The following DENND4A variants were observed in gnomAD, a reference collection of about 807,000 sequenced individuals.
The protein encoded by DENND4A is DENN domain containing 4A, also known as C-myc promoter-binding protein.
A neutral mutation model predicts 199.3 loss-of-function variants in DENND4A; 70 were observed. The observed-to-expected ratio is 0.35, with a 90% confidence interval of 0.29 to 0.43. The LOEUF (loss-of-function observed/expected upper bound fraction) is 0.43. DENND4A is among the 20% of genes least tolerant of loss of function. The pLI is 1.00. For synonymous variants in DENND4A, 686 were observed against 766.9 expected (o/e 0.89, Z 1.74); for missense variants, 1,723 against 2,255.8 (o/e 0.76, Z 4.78).
At chr15:65,743,706 A>G (rs1023028754) in intron 4 of DENND4A, among the ~76,000 whole-genome samples, 2 of 152,222 alleles carry the variant, frequency 1.3e-5, no homozygotes, top group African/African-American at 4.8e-5. Context: ...CAGGTACTCC[A>G]TAAAGTATTT....
intron 1 of DENND4A, chr15:65,771,569 G>A: frequency 6.2e-7 from 1 of 1,612,718 alleles, no homozygotes; most frequent in Non-Finnish European, 8.5e-7. Context: ...GATAAACACA[G>A]AAAAACCTCC....
At chr15:65,694,475 G>T (rs560415445) in intron 22 of DENND4A, among the ~76,000 whole-genome samples, 39 of 151,748 alleles carry the variant, frequency 2.6e-4, no homozygotes, top group African/African-American at 8.7e-4. Flanking sequence ...TCAAGATAGG[G>T]TGATGATTTT....
intron 1 of DENND4A, among the ~76,000 whole-genome samples, chr15:65,765,110 G>T (rs1329317915): frequency 6.6e-6 from 1 of 151,222 alleles, no homozygotes; most frequent in African/African-American, 2.4e-5. Flanking sequence ...ACGAAAAAAA[G>T]AACTATTATT....
chr15:65,732,621 G>T, intron 8 of DENND4A, 131 bp downstream of exon 8: 1 of 558,982 alleles, frequency 1.8e-6, no homozygotes. Flanking sequence ...ACTACAACAG[G>T]TAATAGTATC....
chr15:65,700,550 TA>T lies in DENND4A; in HGVS notation c.2826del (p.Ser943ValfsTer93). On this transcript the variant is annotated frameshift_variant, in exon 20 of 33. Transcript: ENST00000443035. LOFTEE classifies it high-confidence loss of function. ...TACATAAGCATACACAAACCTGTACTAGATCTATCATCAGTAGCATATACTT... is the reference window on the plus strand; with the variant it reads ...TACATAAGCATACACAAACCTGTACTGATCTATCATCAGTAGCATATACTT... The part of the protein sequence containing the change: ...LIKVYATDDR[S>X]STGGQSDLGY... 1 of 1,523,526 alleles carries T rather than the reference TA, an allele frequency of 6.6e-7. No homozygotes were observed. The highest frequency in any genetic ancestry group is 8.8e-7 in the Non-Finnish European group (1 of 1,133,314). 94.4% of individuals were successfully genotyped at this position (1,523,526 alleles called of 1,614,324 possible). A position where few individuals can be genotyped will look rare whatever the true frequency, so the allele number is the denominator to read the frequency against.
At chr15:65,716,298 GGTTT>G (rs1226272822) in intron 13 of DENND4A, among the ~76,000 whole-genome samples, 10 of 150,908 alleles carry the variant, frequency 6.6e-5, no homozygotes, top group African/African-American at 2.4e-4. Flanking sequence ...ACAATGTGCA[GGTTT>G]GTTACATATG....
chr15:65,734,644 C>A (rs2140420718), intron 7 of DENND4A, among the ~76,000 whole-genome samples: 1 of 152,198 alleles, frequency 6.6e-6, no homozygotes, highest in Admixed American at 6.5e-5. Context: ...ATAATCTAAA[C>A]AAACGTCAAG....
At chr15:65,710,646 C>T (rs984940744) in intron 14 of DENND4A, among the ~76,000 whole-genome samples, 5 of 152,110 alleles carry the variant, frequency 3.3e-5, no homozygotes, top group African/African-American at 1.2e-4. Flanking sequence ...TTAAAGCACA[C>T]CTTTCTATTT....
At chr15:65,732,702 G>C (rs771359555) in intron 8 of DENND4A, 50 bp downstream of exon 8, 2 of 1,060,084 alleles carry the variant, frequency 1.9e-6, no homozygotes, top group Non-Finnish European at 1.4e-6. Context: ...CATTTTGACA[G>C]AGCCAATAAC....
chr15:65,760,710 G>A (rs1183605009), intron 2 of DENND4A, among the ~76,000 whole-genome samples: 3 of 152,058 alleles, frequency 2.0e-5, no homozygotes, highest in Non-Finnish European at 4.4e-5. Flanking sequence ...CCAACATGGT[G>A]AAACCTCGTT....
chr15:65,675,645 T>C (rs2076350496), intron 24 of DENND4A, among the ~76,000 whole-genome samples: 1 of 151,706 alleles, frequency 6.6e-6, no homozygotes, highest in Non-Finnish European at 1.5e-5. Context: ...CTTAAACAGA[T>C]TCTCAACTTC....
intron 1 of DENND4A, among the ~76,000 whole-genome samples, chr15:65,761,671 A>G (rs1406807616): frequency 6.7e-6 from 1 of 150,284 alleles, no homozygotes; most frequent in Non-Finnish European, 1.5e-5. Context: ...GAGAAAAAAA[A>G]AGAAAAAACT....
intron 23 of DENND4A, among the ~76,000 whole-genome samples, chr15:65,685,508 C>G (rs1315392701): frequency 1.3e-5 from 2 of 152,222 alleles, no homozygotes; most frequent in African/African-American, 4.8e-5. Flanking sequence ...TGTCTACATT[C>G]ACCTACAGTC....
intron 1 of DENND4A, among the ~76,000 whole-genome samples, chr15:65,790,540 A>C (rs2077687304): frequency 1.3e-5 from 2 of 152,164 alleles, no homozygotes. Flanking sequence ...TCATTCAGAA[A>C]AAGAAAATTA....
intron 23 of DENND4A, among the ~76,000 whole-genome samples, chr15:65,677,608 A>C (rs1283879138): frequency 6.6e-6 from 1 of 152,246 alleles, no homozygotes; most frequent in Non-Finnish European, 1.5e-5. Context: ...AAATGAGAAA[A>C]AAATTTTTTA....
chr15:65,664,750 G>A (rs935478213), intron 30 of DENND4A, 28 bp from the exon 31 acceptor site: 1 of 1,588,204 alleles, frequency 6.3e-7, no homozygotes, highest in African/African-American at 1.4e-5. Flanking sequence ...AACAGATGAA[G>A]GAAAATGTTC....
rs1402149389 is a variant in DENND4A at position 65,791,542 on chromosome 15, G to A, written c.-102+468C>T. On this transcript the variant is annotated intron_variant, in intron 1 of 32. Transcript: ENST00000443035. ...CGCAGAACCCGTGCCCGCGGGCCGG[G>A]GAAGGCTGAACAGACCCTGGGAGGA... Among the ~76,000 whole-genome samples the A allele has an allele frequency of 2.0e-5, 3 of 152,056 alleles. No homozygotes were observed. In the East Asian group the frequency reaches 5.8e-4, roughly 29 times the overall value.
At chr15:65,740,447 T>TAAAA (rs1046623413) in intron 5 of DENND4A, among the ~76,000 whole-genome samples, 1 of 114,468 alleles carries the variant, frequency 8.7e-6, no homozygotes, top group Non-Finnish European at 1.8e-5. Context: ...CCATCTCTAC[T>TAAAA]AAAAAAAAAA....
At position 65,715,526 on chromosome 15, in the gene DENND4A, A is replaced by C; in HGVS notation, c.1905T>G (p.Val635=). Reference sequence around the variant, plus strand: ...ATGCCAGGCTTGCATCTTTGTCACTAACAAAAGAACATTCTTCAATGAAGC... The same window carrying C: ...ATGCCAGGCTTGCATCTTTGTCACTCACAAAAGAACATTCTTCAATGAAGC... ...FIRFIEECSF[V]SDKDASLAFF... is the part of the protein sequence containing the mutation. Residue 635 remains valine (V), a synonymous_variant, in exon 14 of 33, where the codon GTT becomes GTG. Coordinates refer to ENST00000443035, the MANE Select transcript of DENND4A (RefSeq NM_001320835.1). 6.2e-7 allele frequency: 1 copy of C among 1,611,684 alleles called. No individual in the cohort carries two copies. The highest frequency in any genetic ancestry group is 8.5e-7 in the Non-Finnish European group (1 of 1,179,314).
Sources: gnomAD v4.1 joint callset for allele counts (sites outside exome capture counted in the v4.1 genomes callset) on GRCh38, gnomAD v4.1.1 for gene constraint, MANE v1.5 for transcripts, NCBI Gene and HGNC (gene_info 2026-07-23, HGNC 2026-07-21) for gene names.